The following HSF5 variants were observed in gnomAD, a reference collection of about 807,000 sequenced individuals.
HSF5 encodes the protein heat shock factor protein 5.
A neutral mutation model predicts 50.8 loss-of-function variants in HSF5; 5 were observed. The observed-to-expected ratio is 0.10, with a 90% CI of 0.05 to 0.21. HSF5 has a LOEUF of 0.21. HSF5 is among the 10% of genes least tolerant of loss of function. The pLI is 1.00. For synonymous variants in HSF5, 307 were observed against 307.4 expected, an observed-to-expected ratio of 1.00 and a Z score of 0.02; for missense variants, 564 against 762.6, an observed-to-expected ratio of 0.74 and a Z score of 3.07.
rs756016927 is a variant in HSF5 at position 58,420,529 on chromosome 17, A to C, written c.*1831T>G. ...TGACATGTGTTCCTCAAAAGATATT[A>C]TCTCAACATCTATAAAGCTAAGAAA... On this transcript the variant is annotated 3_prime_UTR_variant, in exon 6 of 6. Coordinates refer to ENST00000323777, the MANE Select transcript of HSF5 (RefSeq NM_001080439.3). The C allele has an allele frequency of 4.6e-5, 7 of 152,206 alleles. No individual in the cohort carries two copies. The highest frequency in any genetic ancestry group is 8.8e-5 in the Non-Finnish European group (6 of 68,032). The allele number at this position is 152,206 out of a possible 1,614,324, so 9.4% of individuals were successfully genotyped here. A position where few individuals can be genotyped will look rare whatever the true frequency, so the allele number is the denominator to read the frequency against.
intron 2 of HSF5, among the ~76,000 whole-genome samples, chr17:58,472,334 G>C (rs1316400648): frequency 1.3e-5 from 2 of 152,066 alleles, no homozygotes; most frequent in Non-Finnish European, 2.9e-5. Context: ...TAATTAGCTG[G>C]GCATGGTGGT....
chr17:58,444,337 C>A (rs1974532109), intron 5 of HSF5, among the ~76,000 whole-genome samples: 1 of 152,272 alleles, frequency 6.6e-6, no homozygotes, highest in South Asian at 2.1e-4. Flanking sequence ...TACAAAGCTA[C>A]AGTAATCAAA....
chr17:58,422,073 T>C lies in HSF5; in HGVS notation c.*287A>G, dbSNP rs1422837858. The stretch of plus-strand genomic sequence containing the variant: ...CATAGATGGAGCAGTTTTTAGATGC[T>C]CCTTGACTATAACAGAAGGTCAGAA... On this transcript the variant is annotated 3_prime_UTR_variant, in exon 6 of 6. Transcript: ENST00000323777. 1 of 322,872 alleles carries C rather than the reference T, an allele frequency of 3.1e-6. No homozygotes were observed. Among genetic ancestry groups the C allele is most frequent in the Non-Finnish European group, 5.8e-6 (1 of 172,832 alleles). The allele number at this position is 322,872 out of a possible 1,614,324, so 20.0% of individuals were successfully genotyped here. A position where few individuals can be genotyped will look rare whatever the true frequency, so the allele number is the denominator to read the frequency against.
At chr17:58,482,925 G>C (rs897989436) in intron 1 of HSF5, among the ~76,000 whole-genome samples, 4 of 149,404 alleles carry the variant, frequency 2.7e-5, no homozygotes, top group Non-Finnish European at 5.9e-5. Flanking sequence ...GGGTGACAGA[G>C]GGAGACTCTG....
intron 5 of HSF5, among the ~76,000 whole-genome samples, chr17:58,430,553 T>C (rs1974350005): frequency 6.6e-6 from 1 of 152,122 alleles, no homozygotes; most frequent in Admixed American, 6.5e-5. Flanking sequence ...GGTACACTCT[T>C]CCTCTCCTGT....
intron 5 of HSF5, among the ~76,000 whole-genome samples, chr17:58,434,545 A>G (rs1974402402): frequency 6.7e-6 from 1 of 150,308 alleles, no homozygotes; most frequent in East Asian, 2.0e-4. Flanking sequence ...GCTAGACTCC[A>G]TCTCAAAAAA....
At chr17:58,450,570 A>G (rs1187221598) in intron 5 of HSF5, among the ~76,000 whole-genome samples, 1 of 151,004 alleles carries the variant, frequency 6.6e-6, no homozygotes, top group Admixed American at 6.6e-5. Flanking sequence ...CCTGACCAAC[A>G]TGGAGAAACC....
intron 5 of HSF5, among the ~76,000 whole-genome samples, chr17:58,456,681 C>A (rs1264066956): frequency 1.3e-5 from 2 of 151,808 alleles, no homozygotes; most frequent in African/African-American, 4.8e-5. Flanking sequence ...TAAATATGTA[C>A]AATTATATTT....
At chr17:58,470,915 G>C (rs545792942) in intron 2 of HSF5, among the ~76,000 whole-genome samples, 2 of 152,190 alleles carry the variant, frequency 1.3e-5, no homozygotes, top group Non-Finnish European at 2.9e-5. Context: ...GACAGAGTGA[G>C]ACTCCGTCTC....
intron 5 of HSF5, among the ~76,000 whole-genome samples, chr17:58,427,177 G>A (rs1329922402): frequency 6.6e-6 from 1 of 152,128 alleles, no homozygotes; most frequent in Non-Finnish European, 1.5e-5. Context: ...TGAGGCAGGA[G>A]GATAGCTTGA....
chr17:58,446,849 A>G lies in HSF5; in HGVS notation c.1720+11919T>C, dbSNP rs149731636. On this transcript the variant is annotated intron_variant, in intron 5 of 5. Coordinates refer to ENST00000323777, the MANE Select transcript of HSF5 (RefSeq NM_001080439.3). ...TACTGTGTAAAAGAGAGAGAAGACCAGGCACAGTGGCTCATGCCTGTAATC... is the reference window on the plus strand; with the variant it reads ...TACTGTGTAAAAGAGAGAGAAGACCGGGCACAGTGGCTCATGCCTGTAATC... Among the ~76,000 whole-genome samples, 882 of 152,302 alleles carry G rather than the reference A, an allele frequency of 5.8e-3. 5 individuals are homozygous for G. The highest frequency in any genetic ancestry group is 9.3e-3 in the African/African-American group (385 of 41,574).
At chr17:58,479,777 G>A (rs938728649) in intron 2 of HSF5, 116 bp downstream of exon 2, 14 of 855,860 alleles carry the variant, frequency 1.6e-5, no homozygotes, top group Non-Finnish European at 2.5e-5. Context: ...TTTCTTAGGT[G>A]TACATTCCTA....
At chr17:58,482,675 A>C (rs1975113814) in intron 1 of HSF5, among the ~76,000 whole-genome samples, 1 of 131,452 alleles carries the variant, frequency 7.6e-6, no homozygotes, top group African/African-American at 2.9e-5. Flanking sequence ...ACGCCACTGC[A>C]CTCCAGCCCG....
In HSF5 at chr17:58,420,743, T is replaced by G. The variant is rs1035709165; in HGVS notation, c.*1617A>C. On this transcript the variant is annotated 3_prime_UTR_variant, in exon 6 of 6. Transcript: ENST00000323777. ...AACCTTGCTAATAAAGATAAATAAA[T>G]GCCCATCACATAGACATTAACTAGT... 6.6e-6 allele frequency: 1 copy of G among 152,196 alleles called. No homozygotes were observed. Among genetic ancestry groups the G allele is most frequent in the Non-Finnish European group, 1.5e-5 (1 of 68,016 alleles). The allele number at this position is 152,196 out of a possible 1,614,324, so 9.4% of individuals were successfully genotyped here.
chr17:58,437,001 G>A (rs1346235568), intron 5 of HSF5, among the ~76,000 whole-genome samples: 1 of 152,150 alleles, frequency 6.6e-6, no homozygotes, highest in African/African-American at 2.4e-5. Context: ...AAATATTTCT[G>A]TCGGTATTTC....
At chr17:58,453,793 A>T (rs1359860876) in intron 5 of HSF5, among the ~76,000 whole-genome samples, 1 of 152,032 alleles carries the variant, frequency 6.6e-6, no homozygotes, top group Non-Finnish European at 1.5e-5. Context: ...TCATTCAGTA[A>T]AATTCAACAT....
Position 58,476,412 on chromosome 17 carries a change from C to T in HSF5, c.925+3481G>A, listed in dbSNP as rs544924140. The T allele has an allele frequency of 1.7e-5, 18 of 1,029,618 alleles. 1 individual carries two copies. In the Admixed American group the frequency reaches 3.1e-4, roughly 18 times the overall value. The allele number at this position is 1,029,618 out of a possible 1,614,324, so 63.8% of individuals were successfully genotyped here. A position where few individuals can be genotyped will look rare whatever the true frequency, so the allele number is the denominator to read the frequency against. On this transcript the variant is annotated intron_variant, in intron 2 of 5. Transcript: ENST00000323777. Reference sequence around the variant, plus strand: ...TCCCTGGTTCCTCATGCTGCCTCTTCCTGCCGGCTTTATTCTGAGTTTAAC... The same window carrying T: ...TCCCTGGTTCCTCATGCTGCCTCTTTCTGCCGGCTTTATTCTGAGTTTAAC...
chr17:58,425,481 A>G, intron 5 of HSF5, among the ~76,000 whole-genome samples: 1 of 148,538 alleles, frequency 6.7e-6, no homozygotes, highest in East Asian at 2.0e-4. Flanking sequence ...GGGAGGCTGA[A>G]GCAGGAGAAT....
At position 58,480,052 on chromosome 17, in the gene HSF5, G is replaced by A. The variant is rs181008689; in HGVS notation, c.766C>T (p.Pro256Ser). Residue 256 changes from proline (P) to serine (S), a missense_variant, in exon 2 of 6, where the codon CCT (proline) becomes TCT (serine). Around this residue, in one of 5 missense-constraint regions of HSF5, gnomAD observed 441 missense variants for 533.6 expected, o/e 0.83. Transcript: ENST00000323777. ...PTFSDKGVPF[P>S]VLQRFPTEVT... ...TCAGTTGGAAACCTCTGGAGTACAGGAAACGGAACCCCTTTATCTGAAAAT... is the reference window on the plus strand; with the variant it reads ...TCAGTTGGAAACCTCTGGAGTACAGAAAACGGAACCCCTTTATCTGAAAAT... 1.4e-4 allele frequency: 226 copies of A among 1,614,148 alleles called. No individual in the cohort carries two copies. The highest frequency in any genetic ancestry group is 8.2e-4 in the Admixed American group (49 of 60,024).
Sources: allele counts gnomAD v4.1 joint callset (sites outside exome capture counted in the v4.1 genomes callset), GRCh38; gene constraint gnomAD v4.1.1; regional missense constraint gnomAD v4.1.1; transcripts MANE v1.5; gene names NCBI Gene and HGNC (gene_info 2026-07-23, HGNC 2026-07-21).